The following CNTNAP5 variants were observed in gnomAD, a reference collection of about 807,000 sequenced individuals.
CNTNAP5 encodes the protein contactin-associated protein-like 5.
In CNTNAP5, 72 loss-of-function variants were observed where a neutral mutation model predicts 150.2. That is an observed-to-expected ratio of 0.48 (90% CI 0.40 to 0.58). CNTNAP5 has a LOEUF of 0.58. CNTNAP5 is among the 20% of genes least tolerant of loss of function. CNTNAP5 has a pLI of 0.00. For synonymous variants in CNTNAP5, 672 were observed against 619.8 expected (o/e 1.08, Z -1.25); for missense variants, 1,636 against 1,626.2 (o/e 1.01, Z -0.10).
chr2:124,288,656 C>A (rs954627247), intron 3 of CNTNAP5, among the ~76,000 whole-genome samples: 4 of 152,064 alleles, frequency 2.6e-5, no homozygotes, highest in Admixed American at 2.0e-4. Flanking sequence ...TTAAATTAAA[C>A]CCTTGAAACC....
chr2:124,436,024 T>A (rs546247982), intron 5 of CNTNAP5, among the ~76,000 whole-genome samples: 65 of 152,322 alleles, frequency 4.3e-4, no homozygotes, highest in African/African-American at 1.5e-3. Context: ...TTCTGAATGT[T>A]GGGCGTCCAA....
chr2:124,627,344 G>C (rs1039298498), intron 12 of CNTNAP5, among the ~76,000 whole-genome samples: 6 of 152,152 alleles, frequency 3.9e-5, no homozygotes, highest in African/African-American at 1.4e-4. Flanking sequence ...CATCAGGTCA[G>C]TGTCCCTCTA....
At chr2:124,777,532 G>C (rs1681351700) in intron 17 of CNTNAP5, among the ~76,000 whole-genome samples, 1 of 152,042 alleles carries the variant, frequency 6.6e-6, no homozygotes, top group South Asian at 2.1e-4. Context: ...ACAGGTTCAT[G>C]CTGGCACATC....
At chr2:124,487,938 A>G (rs963993505) in intron 7 of CNTNAP5, among the ~76,000 whole-genome samples, 9 of 152,128 alleles carry the variant, frequency 5.9e-5, no homozygotes, top group African/African-American at 2.2e-4. Flanking sequence ...GTCAGTCTCC[A>G]TGATTCATAA....
At chr2:124,176,704 G>C (rs1685072466) in intron 1 of CNTNAP5, among the ~76,000 whole-genome samples, 1 of 152,176 alleles carries the variant, frequency 6.6e-6, no homozygotes, top group African/African-American at 2.4e-5. Flanking sequence ...AAACAGACAA[G>C]CATTGTCTGT....
chr2:124,347,910 C>T (rs1689779902), intron 3 of CNTNAP5, among the ~76,000 whole-genome samples: 1 of 151,768 alleles, frequency 6.6e-6, no homozygotes, highest in Non-Finnish European at 1.5e-5. Context: ...TTTCAAGCTC[C>T]GCCTCCCAGG....
intron 11 of CNTNAP5, among the ~76,000 whole-genome samples, chr2:124,570,485 G>T (rs911820947): frequency 1.1e-4 from 16 of 152,148 alleles, no homozygotes; most frequent in African/African-American, 3.9e-4. Flanking sequence ...ATGCAGCCAG[G>T]GTAGAAAAGG....
At position 124,061,938 on chromosome 2, in the gene CNTNAP5, T is replaced by C. The variant is rs1162695229; in HGVS notation, c.82+36206T>C. On this transcript the variant is annotated intron_variant, in intron 1 of 23. Transcript: ENST00000682447. ...TCCTACTATCCAATGAGCAGGAATC[T>C]GGCTGATTTTACCTCCGCAATGCCA... 2.6e-5 allele frequency among the ~76,000 whole-genome samples: 4 copies of C among 152,164 alleles called. No individual in the cohort carries two copies. In the East Asian group the frequency reaches 7.7e-4, roughly 29 times the overall value.
chr2:124,076,040 G>T (rs760634453), intron 1 of CNTNAP5, among the ~76,000 whole-genome samples: 4 of 152,132 alleles, frequency 2.6e-5, no homozygotes, highest in Non-Finnish European at 5.9e-5. Flanking sequence ...ATATGGAAAA[G>T]AAAATTGAGT....
chr2:124,822,652 C>T (rs1682515055), intron 19 of CNTNAP5, among the ~76,000 whole-genome samples: 3 of 152,202 alleles, frequency 2.0e-5, no homozygotes, highest in South Asian at 2.1e-4. Context: ...ATCGACATCT[C>T]TAATGATTCT....
chr2:124,047,624 G>T (rs1681572518), intron 1 of CNTNAP5, among the ~76,000 whole-genome samples: 1 of 152,186 alleles, frequency 6.6e-6, no homozygotes, highest in Non-Finnish European at 1.5e-5. Flanking sequence ...TGCTCTGGAA[G>T]CACTCCACGC....
At chr2:124,853,700 G>A (rs771818864) in intron 19 of CNTNAP5, among the ~76,000 whole-genome samples, 12 of 152,008 alleles carry the variant, frequency 7.9e-5, no homozygotes, top group African/African-American at 1.2e-4. Flanking sequence ...GTTGAGGTTT[G>A]TTACACAGTT....
At chr2:124,291,554 T>A (rs1388392644) in intron 3 of CNTNAP5, among the ~76,000 whole-genome samples, 1 of 152,028 alleles carries the variant, frequency 6.6e-6, no homozygotes, top group Non-Finnish European at 1.5e-5. Flanking sequence ...GTTTTTTTTT[T>A]TATATGCGTA....
At chr2:124,124,913 G>C (rs973867923) in intron 1 of CNTNAP5, among the ~76,000 whole-genome samples, 4 of 152,198 alleles carry the variant, frequency 2.6e-5, no homozygotes, top group Non-Finnish European at 5.9e-5. Context: ...TCTGAAGGAA[G>C]CACTAAACAT....
chr2:124,059,122 C>T lies in CNTNAP5; in HGVS notation c.82+33390C>T, dbSNP rs868737062. On this transcript the variant is annotated intron_variant, in intron 1 of 23. Transcript: ENST00000682447. ...ACTTCTTCATATTTTAAGTCCTAGACGTAAAATGTGTTTTCAACAGCACTA... is the reference window on the plus strand; with the variant it reads ...ACTTCTTCATATTTTAAGTCCTAGATGTAAAATGTGTTTTCAACAGCACTA... Among the ~76,000 whole-genome samples the T allele has an allele frequency of 9.2e-5, 14 of 152,150 alleles. No individual in the cohort carries two copies. The South Asian group carries it at 1.7e-3, about 18-fold the overall frequency.
chr2:124,504,414 G>T lies in CNTNAP5; in HGVS notation c.1185G>T (p.Gln395His). Residue 395 changes from glutamine (Q) to histidine (H), a missense_variant, in exon 8 of 24, where the codon CAG becomes CAT. Coordinates refer to ENST00000682447, the MANE Select transcript of CNTNAP5 (RefSeq NM_001367498.1). ...PQIDGLSVSF[Q>H]FRTWNKDGLL... ...TTGATGGGCTCTCAGTGAGTTTCCA[G>T]TTTCGAACATGGAACAAGGATGGTC... 1 of 1,613,920 alleles carries T rather than the reference G, an allele frequency of 6.2e-7. No homozygotes were observed. Among genetic ancestry groups the T allele is most frequent in the Non-Finnish European group, 8.5e-7 (1 of 1,179,864 alleles).
chr2:124,194,372 T>C (rs1458119875), intron 1 of CNTNAP5, among the ~76,000 whole-genome samples: 2 of 3,968 alleles, frequency 5.0e-4, no homozygotes, highest in South Asian at 0.017. Flanking sequence ...AGGTCATATA[T>C]ATATATATAT....
chr2:124,853,842 T>G (rs1677285120), intron 19 of CNTNAP5, among the ~76,000 whole-genome samples: 1 of 152,166 alleles, frequency 6.6e-6, no homozygotes, highest in Admixed American at 6.5e-5. Flanking sequence ...TGGCATCTTT[T>G]GTTCCCCTCT....
At chr2:124,863,580 C>T (rs1378133185) in intron 19 of CNTNAP5, among the ~76,000 whole-genome samples, 1 of 152,194 alleles carries the variant, frequency 6.6e-6, no homozygotes, top group Non-Finnish European at 1.5e-5. Flanking sequence ...TAGCTCCAAA[C>T]TACATTTTTC....
Sources: gnomAD v4.1 joint callset for allele counts (sites outside exome capture counted in the v4.1 genomes callset) on GRCh38, gnomAD v4.1.1 for gene constraint, MANE v1.5 for transcripts, NCBI Gene and HGNC (gene_info 2026-07-23, HGNC 2026-07-21) for gene names.